The following PAPSS2 variants were observed in gnomAD, a reference collection of about 807,000 sequenced individuals.
The protein encoded by PAPSS2 is 3'-phosphoadenosine 5'-phosphosulfate synthase 2, also known as bifunctional 3'-phosphoadenosine 5'-phosphosulfate synthase 2.
PAPSS2 carries 61 observed loss-of-function variants against 66.5 expected under a neutral mutation model. That is an observed-to-expected ratio of 0.92 (90% confidence interval 0.75 to 1.14). PAPSS2 has a LOEUF of 1.14. Ranked by LOEUF, PAPSS2 falls within the 50% of genes most tolerant of loss-of-function variation. The pLI, the probability that PAPSS2 is intolerant of heterozygous loss-of-function variation, is 0.00. For missense variants in PAPSS2, 708 were observed against 789.6 expected, an observed-to-expected ratio of 0.90 and a Z score of 1.24; for synonymous variants, 289 against 287.5, an observed-to-expected ratio of 1.01 and a Z score of -0.05.
chr10:87,705,383 T>G (rs1853370171), intron 1 of PAPSS2, among the ~76,000 whole-genome samples: 2 of 152,250 alleles, frequency 1.3e-5, no homozygotes, highest in Non-Finnish European at 2.9e-5. Context: ...TCAAATAAAG[T>G]TGCTAAGAAC....
rs1046992864 is a variant in PAPSS2, at chr10:87,747,102, C to A, written c.*1132C>A. ...CCCTCAGCTGCTTAACAAAGTTCCTCGAACAGAAAGTGCTTACAAAGCTGC... is the reference window on the plus strand; with the variant it reads ...CCCTCAGCTGCTTAACAAAGTTCCTAGAACAGAAAGTGCTTACAAAGCTGC... On this transcript the variant is annotated 3_prime_UTR_variant, in exon 13 of 13. Coordinates refer to ENST00000456849, the MANE Select transcript of PAPSS2 (RefSeq NM_001015880.2). The A allele has an allele frequency of 6.6e-6, 1 of 151,794 alleles. No homozygotes were observed. Among genetic ancestry groups the A allele is most frequent in the African/African-American group, 2.4e-5 (1 of 41,266 alleles). The allele number at this position is 151,794 out of a possible 1,614,324, so 9.4% of individuals were successfully genotyped here.
chr10:87,697,346 C>T (rs948814544), intron 1 of PAPSS2, among the ~76,000 whole-genome samples: 4 of 152,158 alleles, frequency 2.6e-5, no homozygotes, highest in Admixed American at 1.3e-4. Flanking sequence ...AACGAGGGGT[C>T]GGGGCTTCCA....
At chr10:87,730,913 G>A (rs1853719965) in intron 9 of PAPSS2, among the ~76,000 whole-genome samples, 2 of 152,224 alleles carry the variant, frequency 1.3e-5, no homozygotes, top group African/African-American at 4.8e-5. Flanking sequence ...AAAGTACAAG[G>A]TGATGCAGCA....
At chr10:87,712,557 G>GC (rs1853475331) in intron 2 of PAPSS2, among the ~76,000 whole-genome samples, 1 of 152,164 alleles carries the variant, frequency 6.6e-6, no homozygotes, top group Non-Finnish European at 1.5e-5. Flanking sequence ...CCAGGCTCAA[G>GC]GGGTCTTCCT....
chr10:87,679,610 T>G (rs1283574263), intron 1 of PAPSS2, among the ~76,000 whole-genome samples: 1 of 152,220 alleles, frequency 6.6e-6, no homozygotes, highest in Non-Finnish European at 1.5e-5. Flanking sequence ...CATGCCAATT[T>G]TTTTTATGTG....
intron 1 of PAPSS2, among the ~76,000 whole-genome samples, chr10:87,692,691 A>C (rs1853186490): frequency 6.6e-6 from 1 of 152,220 alleles, no homozygotes; most frequent in Non-Finnish European, 1.5e-5. Context: ...TAAATGGTCA[A>C]CCATATAACT....
In PAPSS2 at chr10:87,709,224, T is replaced by G; in HGVS notation, c.56T>G (p.Val19Gly). Residue 19 changes from valine (V) to glycine (G), a missense_variant, in exon 2 of 13, where the codon GTC (valine) becomes GGC (glycine). By Grantham distance (109) the Val-to-Gly change is moderately radical (BLOSUM62 -3). Coordinates refer to ENST00000456849, the MANE Select transcript of PAPSS2 (RefSeq NM_001015880.2). ...AACCAGCAGAAATCCACCAATGTAG[T>G]CTATCAGGCCCACCATGTGAGCAGG... ...TENQQKSTNV[V>G]YQAHHVSRNK... 6.2e-7 allele frequency: 1 copy of G among 1,613,306 alleles called. No individual in the cohort carries two copies. Among genetic ancestry groups the G allele is most frequent in the Non-Finnish European group, 8.5e-7 (1 of 1,179,388 alleles).
intron 1 of PAPSS2, among the ~76,000 whole-genome samples, chr10:87,680,709 C>T (rs1425215204): frequency 6.6e-6 from 1 of 151,982 alleles, no homozygotes; most frequent in African/African-American, 2.4e-5. Flanking sequence ...TGTACTGGAA[C>T]ACACTTTCAT....
At chr10:87,679,607 AT>A (rs914012617) in intron 1 of PAPSS2, among the ~76,000 whole-genome samples, 1 of 152,038 alleles carries the variant, frequency 6.6e-6, no homozygotes, top group African/African-American at 2.4e-5. Context: ...TTACATGCCA[AT>A]TTTTTTTATG....
At chr10:87,729,068 C>A (rs1853695145) in intron 9 of PAPSS2, among the ~76,000 whole-genome samples, 1 of 151,802 alleles carries the variant, frequency 6.6e-6, no homozygotes, top group African/African-American at 2.4e-5. Context: ...AGAATAGCAA[C>A]CTTTGGTTAT....
At chr10:87,698,323 T>G (rs1012419052) in intron 1 of PAPSS2, among the ~76,000 whole-genome samples, 1 of 152,218 alleles carries the variant, frequency 6.6e-6, no homozygotes. Flanking sequence ...ATTTTTGGTT[T>G]TAAAGAAATT....
At chr10:87,701,258 TCTTC>T (rs1853301572) in intron 1 of PAPSS2, among the ~76,000 whole-genome samples, 4 of 137,600 alleles carry the variant, frequency 2.9e-5, no homozygotes, top group South Asian at 4.8e-4. Flanking sequence ...TTTCTTTCTT[TCTTC>T]CTTTCTTCCT....
chr10:87,727,940 G>A (rs1159552305), intron 9 of PAPSS2, among the ~76,000 whole-genome samples: 1 of 152,172 alleles, frequency 6.6e-6, no homozygotes, highest in Non-Finnish European at 1.5e-5. Context: ...TCTGTGGCTA[G>A]TGAGGGGGTC....
chr10:87,732,455 C>T (rs553253944), intron 9 of PAPSS2, among the ~76,000 whole-genome samples: 5 of 151,616 alleles, frequency 3.3e-5, no homozygotes, highest in African/African-American at 7.3e-5. Context: ...CCTGGGAAGT[C>T]GAGGCTGCAG....
In PAPSS2 at chr10:87,729,932, G is replaced by T. The variant is rs1056905020; in HGVS notation, c.1086+2443G>T. On this transcript the variant is annotated intron_variant, in intron 9 of 12. Transcript: ENST00000456849. Reference sequence around the variant, plus strand: ...AATCGCTTGAACCCAGGAAGTGGAGGTTGCACTGAGCCGAGGTAGCGCCAT... The same window carrying T: ...AATCGCTTGAACCCAGGAAGTGGAGTTTGCACTGAGCCGAGGTAGCGCCAT... 2.0e-4 allele frequency among the ~76,000 whole-genome samples: 31 copies of T among 152,068 alleles called. 1 individual carries two copies. Among genetic ancestry groups the T allele is most frequent in the African/African-American group, 6.8e-4 (28 of 41,414 alleles).
intron 9 of PAPSS2, among the ~76,000 whole-genome samples, chr10:87,737,269 C>T (rs1369490081): frequency 2.0e-5 from 3 of 152,030 alleles, no homozygotes; most frequent in Admixed American, 2.0e-4. Flanking sequence ...CACACCCACC[C>T]TTTCCTGAAG....
rs1433462266 is a variant in PAPSS2 at position 87,714,839 on chromosome 10, G to C, written c.615G>C (p.Gln205His). ...NLSTVSDCVHQVVELLQEQNI... is the reference protein window; with the variant it reads ...NLSTVSDCVHHVVELLQEQNI... ...CCACAGTGAGTGACTGTGTCCACCA[G>C]GTAGTGGAACTTCTGCAAGAGCAGG... Residue 205 changes from glutamine to histidine, a missense_variant, in exon 5 of 13, where the codon CAG (glutamine) becomes CAC (histidine). Gln to His is a conservative substitution (Grantham distance 24). Coordinates refer to ENST00000456849, the MANE Select transcript of PAPSS2 (RefSeq NM_001015880.2). 3.1e-6 allele frequency: 5 copies of C among 1,609,196 alleles called. No individual in the cohort carries two copies. The highest frequency in any genetic ancestry group is 1.3e-5 in the African/African-American group (1 of 74,926).
chr10:87,711,800 T>G (rs1185796784), intron 2 of PAPSS2, among the ~76,000 whole-genome samples: 1 of 152,172 alleles, frequency 6.6e-6, no homozygotes, highest in Non-Finnish European at 1.5e-5. Context: ...TTTTCTGCCC[T>G]TTTTCCTCTT....
rs367885911 is a variant in PAPSS2 at position 87,713,312 on chromosome 10, T to TAAAAAAAAAAAAAAAAAAAAAA, written c.381+3_381+24dup. On this transcript the variant is annotated splice_region_variant and intron_variant, in intron 3 of 12. Transcript: ENST00000456849. ...AGCTTTATTTCTCCATTCGCAAAGG[T>TAAAAAAAAAAAAAAAAAAAAAA]AAAAAAAAAAAAAAAAAAAAAAGGC... 8.7e-5 allele frequency: 50 copies of TAAAAAAAAAAAAAAAAAAAAAA among 575,156 alleles called. 8 individuals are homozygous for TAAAAAAAAAAAAAAAAAAAAAA. Among genetic ancestry groups the TAAAAAAAAAAAAAAAAAAAAAA allele is most frequent in the East Asian group, 5.9e-4 (11 of 18,768 alleles). 35.6% of individuals were successfully genotyped at this position (575,156 alleles called of 1,614,324 possible).
Sources: allele counts gnomAD v4.1 joint callset (sites outside exome capture counted in the v4.1 genomes callset), GRCh38; gene constraint gnomAD v4.1.1; transcripts MANE v1.5; gene names NCBI Gene and HGNC (gene_info 2026-07-23, HGNC 2026-07-21).